The following CENPI variants were observed in gnomAD, a reference collection of about 807,000 sequenced individuals.
CENPI encodes centromere protein I.
CENPI carries 4 observed loss-of-function variants against 60.4 expected under a neutral mutation model. The observed-to-expected ratio is 0.07, with a 90% CI of 0.03 to 0.15. The LOEUF (loss-of-function observed/expected upper bound fraction) is 0.15. Ranked by LOEUF, CENPI falls within the 10% of genes least tolerant of loss-of-function variation. CENPI has a pLI of 1.00. For synonymous variants in CENPI, 157 were observed against 189.4 expected, an observed-to-expected ratio of 0.83 and a Z score of 1.40; for missense variants, 444 against 534.5, an observed-to-expected ratio of 0.83 and a Z score of 1.67.
At chrX:101,138,384 A>T (rs2089872570) in intron 15 of CENPI, among the ~76,000 whole-genome samples, 1 of 103,895 alleles carries the variant, frequency 9.6e-6, no homozygotes, top group African/African-American at 3.6e-5. Flanking sequence ...TGTCGCCAGG[A>T]TGGAGTCCAG....
intron 6 of CENPI, among the ~76,000 whole-genome samples, chrX:101,119,774 T>A (rs1393436027): frequency 8.9e-6 from 1 of 112,283 alleles, no homozygotes; most frequent in East Asian, 2.8e-4. Context: ...ATATGAAGCA[T>A]CATTGAAAAT....
At position 101,113,282 on chromosome X, in the gene CENPI, T is replaced by TACACACAC. The variant is rs533672702; in HGVS notation, c.591+3318_591+3325dup. On this transcript the variant is annotated intron_variant, in intron 6 of 21. Coordinates refer to ENST00000682095, the MANE Select transcript of CENPI (RefSeq NM_001386188.2). ...TTTACCTTGTTTTTCTCCATCCCTT[T>TACACACAC]ACACACACACACACACACACACACA... is the stretch of plus-strand genomic sequence containing the variant. 9.5e-5 allele frequency among the ~76,000 whole-genome samples: 8 copies of TACACACAC among 83,978 alleles called. No individual in the cohort carries two copies. In the East Asian group the frequency reaches 1.2e-3, roughly 12 times the overall value. 72.9% of individuals were successfully genotyped at this position (83,978 alleles called of 115,157 possible).
rs146909210 is a variant in CENPI, at chrX:101,143,257, G to A, written c.1566-1807G>A. Among the ~76,000 whole-genome samples the A allele has an allele frequency of 1.4e-3, 156 of 109,695 alleles. 1 individual carries two copies. In the Middle Eastern group the frequency reaches 0.019, roughly 13 times the overall value. ...ATTATACATGTTCTTTTCCTTATGC[G>A]TAACCATTGTTGACTACCTAGATAG... is the stretch of plus-strand genomic sequence containing the variant. On this transcript the variant is annotated intron_variant, in intron 16 of 21. Transcript: ENST00000682095.
At chrX:101,146,322 C>T (rs1479638930) in intron 18 of CENPI, 45 bp downstream of exon 18, 1 of 1,086,530 alleles carries the variant, frequency 9.2e-7, no homozygotes, top group Admixed American at 2.5e-5. Context: ...TATTATAATT[C>T]TCTCTTCCTC....
chrX:101,142,108 TTG>T (rs1476843460), intron 16 of CENPI, among the ~76,000 whole-genome samples: 1 of 111,895 alleles, frequency 8.9e-6, no homozygotes, highest in Non-Finnish European at 1.9e-5. Flanking sequence ...GGACCCATAT[TTG>T]TTCGTTCTCT....
intron 4 of CENPI, among the ~76,000 whole-genome samples, chrX:101,108,574 C>T (rs1283114304): frequency 1.8e-5 from 2 of 111,256 alleles, no homozygotes; most frequent in Admixed American, 1.9e-4. Context: ...ACATTTTCAT[C>T]ACCCCAAGAA....
chrX:101,102,516 C>T (rs12011012), intron 4 of CENPI, 105 bp downstream of exon 4: 197 of 209,958 alleles, frequency 9.4e-4, no homozygotes, highest in Non-Finnish European at 1.4e-3. Flanking sequence ...CACACACACA[C>T]ATATATATAT....
At chrX:101,103,539 C>G (rs2148129978) in intron 4 of CENPI, among the ~76,000 whole-genome samples, 1 of 110,398 alleles carries the variant, frequency 9.1e-6, no homozygotes, top group Non-Finnish European at 1.9e-5. Context: ...TGGGGTTTCT[C>G]CATGTTGGTC....
intron 5 of CENPI, 48 bp from the exon 6 acceptor site, chrX:101,109,843 T>A: frequency 1.1e-6 from 1 of 937,977 alleles, no homozygotes; most frequent in Non-Finnish European, 1.5e-6. Context: ...TAAACTCTTC[T>A]GTACCAGTTA....
intron 6 of CENPI, among the ~76,000 whole-genome samples, chrX:101,117,736 C>G (rs1486981925): frequency 1.8e-5 from 2 of 111,943 alleles, no homozygotes; most frequent in African/African-American, 6.5e-5. Context: ...TATCCCCTGC[C>G]TAACCTATCC....
intron 20 of CENPI, among the ~76,000 whole-genome samples, chrX:101,152,945 A>AT (rs2090021145): frequency 9.2e-6 from 1 of 108,401 alleles, no homozygotes. Context: ...CCTTTGGTAT[A>AT]TATACTTAAG....
intron 16 of CENPI, among the ~76,000 whole-genome samples, chrX:101,144,538 C>T (rs1344577872): frequency 9.1e-6 from 1 of 109,421 alleles, no homozygotes; most frequent in East Asian, 2.9e-4. Flanking sequence ...CATGTGCCAC[C>T]ACCGCACTTA....
the CENPI span, among the ~76,000 whole-genome samples, chrX:101,179,873 T>C: frequency 8.9e-6 from 1 of 112,178 alleles, no homozygotes; most frequent in Admixed American, 9.4e-5. Context: ...CTAGACCTTA[T>C]GGTAATTCTA....
At chrX:101,167,817 A>G (rs1158581524), downstream of CENPI, among the ~76,000 whole-genome samples, 1 of 112,331 alleles carries the variant, frequency 8.9e-6, no homozygotes, top group African/African-American at 3.2e-5. Flanking sequence ...TTCCCACCCA[A>G]CTTCATGTTG....
At chrX:101,173,069 G>T in the CENPI span, among the ~76,000 whole-genome samples, 5 of 94,362 alleles carry the variant, frequency 5.3e-5, no homozygotes, top group Non-Finnish European at 1.0e-4. Flanking sequence ...AGGCTGGAGT[G>T]CAGTGGTGCG....
chrX:101,143,529 A>G (rs1056204261), intron 16 of CENPI, among the ~76,000 whole-genome samples: 22 of 112,251 alleles, frequency 2.0e-4, no homozygotes, highest in Admixed American at 4.7e-4. Context: ...AAAAAAATAT[A>G]CATATATATA....
chrX:101,134,835 G>A (rs941787035), intron 15 of CENPI, among the ~76,000 whole-genome samples: 1 of 110,646 alleles, frequency 9.0e-6, no homozygotes, highest in Non-Finnish European at 1.9e-5. Context: ...ACCAGCCTAG[G>A]CAACGTGGTG....
chrX:101,101,186 C>T lies in CENPI; in HGVS notation c.116C>T (p.Ser39Leu), dbSNP rs369302407. 1.7e-6 allele frequency: 2 copies of T among 1,208,221 alleles called. No individual in the cohort carries two copies. The highest frequency in any genetic ancestry group is 2.2e-6 in the Non-Finnish European group (2 of 892,581). ...AAAGTAAAACAGGATCCAAGCAACT[C>T]GAAGAACATCTCAAAACATGGACAA... is the stretch of plus-strand genomic sequence containing the variant. ...AWKVKQDPSN[S>L]KNISKHGQNN... The change falls in exon 3 of 22, where the codon TCG becomes TTG. Residue 39 changes from serine to leucine, a missense_variant. Ser to Leu is a moderately radical substitution (Grantham distance 145, BLOSUM62 -2). Transcript: ENST00000682095.
At chrX:101,174,588 G>A in the CENPI span, among the ~76,000 whole-genome samples, 8 of 110,381 alleles carry the variant, frequency 7.2e-5, no homozygotes, top group East Asian at 2.8e-4. Flanking sequence ...CCACGTGTTC[G>A]CCCTTATAAG....
Sources: gnomAD v4.1 joint callset for allele counts (sites outside exome capture counted in the v4.1 genomes callset) on GRCh38, gnomAD v4.1.1 for gene constraint, MANE v1.5 for transcripts, NCBI Gene and HGNC (gene_info 2026-07-23, HGNC 2026-07-21) for gene names.